Variants in SLC22A23 observed in about 807,000 individuals in gnomAD.
SLC22A23 encodes solute carrier family 22 member 23, also known as ion transporter protein.
A neutral mutation model predicts 61.0 loss-of-function variants in SLC22A23; 26 were observed. That is an observed-to-expected ratio of 0.43 (90% CI 0.31 to 0.59). The LOEUF is 0.59. SLC22A23 is among the 20% of genes least tolerant of loss of function. The pLI, the probability that SLC22A23 is intolerant of heterozygous loss-of-function variation, is 0.11. For missense variants in SLC22A23, 796 were observed against 934.7 expected, an observed-to-expected ratio of 0.85 and a Z score of 1.94; for synonymous variants, 430 against 413.9, an observed-to-expected ratio of 1.04 and a Z score of -0.47.
At position 3,327,618 on chromosome 6, in the gene SLC22A23, G is replaced by A. The variant is rs1264020425; in HGVS notation, c.914-3616C>T. The stretch of plus-strand genomic sequence containing the variant: ...GTGACCTTGGTTCAGTCAGTTAGGA[G>A]TTCTGTGCCTCAGTTTTTTTGTCTG... On this transcript the variant is annotated intron_variant, in intron 3 of 9. Transcript: ENST00000406686. The surrounding 1 kb of genome is among the most constrained non-coding windows in gnomAD (Gnocchi z 4.1). Among the ~76,000 whole-genome samples, 4 of 152,202 alleles carry A rather than the reference G, an allele frequency of 2.6e-5. No individual in the cohort carries two copies. Among genetic ancestry groups the A allele is most frequent in the Admixed American group, 6.5e-5 (1 of 15,280 alleles).
chr6:3,310,655 T>C (rs1403164236), intron 4 of SLC22A23, among the ~76,000 whole-genome samples: 2 of 141,306 alleles, frequency 1.4e-5, no homozygotes, highest in Non-Finnish European at 3.2e-5. Flanking sequence ...AACTCAATAC[T>C]GTGAAACCCT....
At chr6:3,281,955 A>G (rs1329050691) in intron 9 of SLC22A23, among the ~76,000 whole-genome samples, 1 of 152,134 alleles carries the variant, frequency 6.6e-6, no homozygotes, top group Non-Finnish European at 1.5e-5. Flanking sequence ...CTATCCTCAA[A>G]TCTTTCCAGG....
intron 1 of SLC22A23, chr6:3,432,201 T>G: frequency 1.0e-6 from 1 of 985,444 alleles, no homozygotes; most frequent in Non-Finnish European, 1.2e-6. Context: ...CCAGTGCTCC[T>G]TGCCCACGCC....
At chr6:3,437,643 C>T (rs1179285644) in intron 1 of SLC22A23, among the ~76,000 whole-genome samples, 1 of 151,392 alleles carries the variant, frequency 6.6e-6, no homozygotes, top group Admixed American at 6.6e-5. Flanking sequence ...GAGCTGAGAT[C>T]GTGCCACTGC....
intron 3 of SLC22A23, among the ~76,000 whole-genome samples, chr6:3,350,823 C>T (rs993720186): frequency 6.6e-6 from 1 of 152,172 alleles, no homozygotes; most frequent in African/African-American, 2.4e-5. Context: ...AGAGAGAAAA[C>T]AAATGGAATT....
At chr6:3,383,548 G>A (rs972580276) in intron 3 of SLC22A23, among the ~76,000 whole-genome samples, 2 of 152,220 alleles carry the variant, frequency 1.3e-5, no homozygotes, top group Non-Finnish European at 2.9e-5. Flanking sequence ...CTGTGACTAG[G>A]ACAGTGGAGA....
rs1763521538 is a variant in SLC22A23 at position 3,330,433 on chromosome 6, C to G, written c.914-6431G>C. Among the ~76,000 whole-genome samples, 2 of 152,160 alleles carry G rather than the reference C, an allele frequency of 1.3e-5. No individual in the cohort carries two copies. The highest frequency in any genetic ancestry group is 2.9e-5 in the Non-Finnish European group (2 of 68,010). ...AGTGGAGAACTGCAGGGAGCTTCCT[C>G]TTACTCGCTGGCCTCACCATCTCCC... On this transcript the variant is annotated intron_variant, in intron 3 of 9. Coordinates refer to ENST00000406686, the MANE Select transcript of SLC22A23 (RefSeq NM_015482.2). This position sits in a 1 kb window ranked among gnomAD's most constrained non-coding sequence, Gnocchi z 4.7.
intron 3 of SLC22A23, among the ~76,000 whole-genome samples, chr6:3,397,442 C>A (rs1768086468): frequency 6.6e-6 from 1 of 152,192 alleles, no homozygotes; most frequent in South Asian, 2.1e-4. Flanking sequence ...TAAGTGTTAT[C>A]TCTGGCTTAA....
At chr6:3,417,141 G>A (rs985531674) in intron 1 of SLC22A23, among the ~76,000 whole-genome samples, 1 of 152,188 alleles carries the variant, frequency 6.6e-6, no homozygotes, top group African/African-American at 2.4e-5. Flanking sequence ...GCCAAGCTCT[G>A]TGTCAGTGGA....
chr6:3,269,328 G>GAGGC lies in SLC22A23; in HGVS notation c.*3723_*3726dup, dbSNP rs1471212114. 4 of 152,318 alleles carry GAGGC rather than the reference G, an allele frequency of 2.6e-5. No individual in the cohort carries two copies. The highest frequency in any genetic ancestry group is 9.7e-5 in the African/African-American group (4 of 41,428). The allele number at this position is 152,318 out of a possible 1,614,324, so 9.4% of individuals were successfully genotyped here. On this transcript the variant is annotated 3_prime_UTR_variant, in exon 10 of 10. Coordinates refer to ENST00000406686, the MANE Select transcript of SLC22A23 (RefSeq NM_015482.2). The stretch of plus-strand genomic sequence containing the variant: ...GGGGCGAGTGAAGACACAGCTTACA[G>GAGGC]AGGCGTTCAAAGTAGTGACGCAGTG...
In SLC22A23 at chr6:3,410,091, C is replaced by T; in HGVS notation, c.913+97G>A. On this transcript the variant is annotated intron_variant, in intron 3 of 9. Coordinates refer to ENST00000406686, the MANE Select transcript of SLC22A23 (RefSeq NM_015482.2). The surrounding 1 kb of genome is among the most constrained non-coding windows in gnomAD (Gnocchi z 5.0). ...TTGTGTTTCCACAAAACTGCCAGCC[C>T]ACACGAGCAGCATGCACAGTATCTT... is the stretch of plus-strand genomic sequence containing the variant. 1 of 1,400,798 alleles carries T rather than the reference C, an allele frequency of 7.1e-7. No homozygotes were observed. The highest frequency in any genetic ancestry group is 9.6e-7 in the Non-Finnish European group (1 of 1,044,820). 86.8% of individuals were successfully genotyped at this position (1,400,798 alleles called of 1,614,324 possible). A position where few individuals can be genotyped will look rare whatever the true frequency, so the allele number is the denominator to read the frequency against.
Position 3,355,765 on chromosome 6 carries a change from G to A in SLC22A23, c.914-31763C>T, listed in dbSNP as rs191768231. Among the ~76,000 whole-genome samples the A allele has an allele frequency of 2.6e-5, 4 of 151,324 alleles. No individual in the cohort carries two copies. In the East Asian group the frequency reaches 8.0e-4, roughly 30 times the overall value. Reference sequence around the variant, plus strand: ...TGCTATTTCTTAAGTTCTGGGCCACGGGAGCCCAAGGTCTCACTCAGCCCT... The same window carrying A: ...TGCTATTTCTTAAGTTCTGGGCCACAGGAGCCCAAGGTCTCACTCAGCCCT... On this transcript the variant is annotated intron_variant, in intron 3 of 9. Transcript: ENST00000406686.
rs932374924 is a variant in SLC22A23 at position 3,456,138 on chromosome 6, G to T, written c.422C>A (p.Thr141Asn). The change falls in exon 1 of 10, where the codon ACC becomes AAC. Residue 141 changes from threonine (T) to asparagine (N), a missense_variant. Coordinates refer to ENST00000406686, the MANE Select transcript of SLC22A23 (RefSeq NM_015482.2). The surrounding 1 kb of genome is among the most constrained non-coding windows in gnomAD (Gnocchi z 7.1). The stretch of plus-strand genomic sequence containing the variant: ...CATGTCCCCGCCCCGGCCTGTGGTG[G>T]TGACCCCTGCCAGCTCGGTGCCTTT... ...AGKGTELAGV[T>N]TTGRGGDMGN... 4 of 1,551,092 alleles carry T rather than the reference G, an allele frequency of 2.6e-6. No homozygotes were observed. The African/African-American group carries it at 4.1e-5, about 16-fold the overall frequency.
In SLC22A23 at chr6:3,386,020, G is replaced by C. The variant is rs1767280673; in HGVS notation, c.913+24168C>G. ...CCCGCATTTGAGCAGGACGCTGCCA[G>C]ATGTGACACATCTCACTCTAAATGA... On this transcript the variant is annotated intron_variant, in intron 3 of 9. Coordinates refer to ENST00000406686, the MANE Select transcript of SLC22A23 (RefSeq NM_015482.2). This position sits in a 1 kb window ranked among gnomAD's most constrained non-coding sequence, Gnocchi z 4.4. Among the ~76,000 whole-genome samples the C allele has an allele frequency of 6.6e-6, 1 of 152,226 alleles. No homozygotes were observed. The highest frequency in any genetic ancestry group is 6.5e-5 in the Admixed American group (1 of 15,274).
At chr6:3,338,414 C>T (rs1009649992) in intron 3 of SLC22A23, among the ~76,000 whole-genome samples, 2 of 152,278 alleles carry the variant, frequency 1.3e-5, no homozygotes, top group South Asian at 4.1e-4. Context: ...ACTGCAACCT[C>T]CGCCTCCCGG....
At chr6:3,288,737 C>T (rs1760288056) in intron 6 of SLC22A23, among the ~76,000 whole-genome samples, 1 of 152,276 alleles carries the variant, frequency 6.6e-6, no homozygotes, top group Non-Finnish European at 1.5e-5. Flanking sequence ...CCAGCTCACC[C>T]AGCATCTACC....
rs1205622768 is a variant in SLC22A23, at chr6:3,309,237, A to C, written c.1083-11019T>G. ...AATCGCTTGAACCCGGGAGGTTTGC[A>C]GTGGACCAAGGTCGTGCCGCTGCAC... On this transcript the variant is annotated intron_variant, in intron 4 of 9. Transcript: ENST00000406686. This position sits in a 1 kb window ranked among gnomAD's most constrained non-coding sequence, Gnocchi z 4.7. Among the ~76,000 whole-genome samples the C allele has an allele frequency of 6.6e-6, 1 of 152,134 alleles. No individual in the cohort carries two copies. The highest frequency in any genetic ancestry group is 1.5e-5 in the Non-Finnish European group (1 of 68,018).
At chr6:3,426,525 C>T (rs549935460) in intron 1 of SLC22A23, among the ~76,000 whole-genome samples, 1 of 152,246 alleles carries the variant, frequency 6.6e-6, no homozygotes, top group South Asian at 2.1e-4. Flanking sequence ...TTAATTGAGA[C>T]CTACTCTTAG....
chr6:3,300,883 AG>A (rs1336926837), intron 4 of SLC22A23, among the ~76,000 whole-genome samples: 3 of 152,212 alleles, frequency 2.0e-5, no homozygotes, highest in African/African-American at 4.8e-5. Flanking sequence ...AAGAGCTAAA[AG>A]CTGTCCTGCT....
Sources: gnomAD v4.1 joint callset for allele counts (sites outside exome capture counted in the v4.1 genomes callset) on GRCh38, gnomAD v4.1.1 for gene constraint, Gnocchi (gnomAD v3.1) non-coding constraint, MANE v1.5 for transcripts, NCBI Gene and HGNC (gene_info 2026-07-23, HGNC 2026-07-21) for gene names.